Variants in FGL1 observed in about 807,000 individuals in gnomAD.
The protein encoded by FGL1 is fibrinogen like 1.
A neutral mutation model predicts 43.7 loss-of-function variants in FGL1; 59 were observed. The observed-to-expected ratio is 1.35, with a 90% confidence interval of 1.10 to 1.68. The LOEUF is 1.68. Among genes scored for constraint, FGL1 ranks in the 40% most tolerant of loss-of-function variants. The probability of loss-of-function intolerance (pLI) is 0.00; values close to 1 mark genes in which losing one functional copy is unlikely to be tolerated. For synonymous variants in FGL1, 192 were observed against 126.5 expected, an observed-to-expected ratio of 1.52 and a Z score of -3.48; for missense variants, 596 against 373.0, an observed-to-expected ratio of 1.60 and a Z score of -4.92.
intron 3 of FGL1, among the ~76,000 whole-genome samples, chr8:17,877,628 A>G (rs1448084909): frequency 6.6e-6 from 1 of 151,114 alleles, no homozygotes; most frequent in East Asian, 1.9e-4. Flanking sequence ...AAAAAAAAGG[A>G]TAAAGGAAGG....
chr8:17,890,078 A>T (rs17125803), intron 1 of FGL1, among the ~76,000 whole-genome samples: 1 of 152,180 alleles, frequency 6.6e-6, no homozygotes, highest in Admixed American at 6.5e-5. Flanking sequence ...AAATCTCACG[A>T]TGTCTTTAGA....
At chr8:17,864,775 G>T (rs746071663) in intron 7 of FGL1, 24 bp from the exon 8 acceptor site, 1 of 1,427,882 alleles carries the variant, frequency 7.0e-7, no homozygotes, top group Non-Finnish European at 9.2e-7. Context: ...GAAAAAAAAA[G>T]AAAACAACAA....
intron 1 of FGL1, among the ~76,000 whole-genome samples, chr8:17,887,823 A>G (rs1000708972): frequency 8.7e-6 from 1 of 115,566 alleles, no homozygotes; most frequent in African/African-American, 3.4e-5. Flanking sequence ...TGACAGTGCG[A>G]GACTCCATCT....
chr8:17,891,186 T>A lies in FGL1; in HGVS notation c.-18+4261A>T, dbSNP rs1241411146. ...GTGGATAGTTAGGTACTGTACTAGTTTCTTGAGGCCACCATAACAAATTAC... is the reference window on the plus strand; with the variant it reads ...GTGGATAGTTAGGTACTGTACTAGTATCTTGAGGCCACCATAACAAATTAC... On this transcript the variant is annotated intron_variant, in intron 1 of 7. Transcript: ENST00000427924. The A allele has an allele frequency of 2.6e-5, 4 of 152,296 alleles. No individual in the cohort carries two copies. The East Asian group carries it at 7.7e-4, about 29-fold the overall frequency. 9.4% of individuals were successfully genotyped at this position (152,296 alleles called of 1,614,324 possible).
At position 17,868,663 on chromosome 8, in the gene FGL1, C is replaced by A. The variant is rs1457728446; in HGVS notation, c.664G>T (p.Glu222Ter). Residue 222 changes from glutamate (E) to a stop codon, truncating the protein, a stop_gained, in exon 7 of 8, where the codon GAG becomes TAG. Coordinates refer to ENST00000427924, the MANE Select transcript of FGL1 (RefSeq NM_004467.4). LOFTEE classifies it high-confidence loss of function. ...GDSLAGNFHP[E>*]VQWWASHQRM... is the part of the protein sequence containing the mutation. ...TGGTGACTAGCCCACCACTGCACCT[C>A]AGGATGAAAATTCCCCGCAAGGGAA... 1.9e-6 allele frequency: 3 copies of A among 1,614,010 alleles called. No individual in the cohort carries two copies. The highest frequency in any genetic ancestry group is 3.3e-5 in the Admixed American group (2 of 59,980).
Position 17,876,463 on chromosome 8 carries a change from C to T in FGL1, c.245-1942G>A, listed in dbSNP as rs975660309. 2.0e-5 allele frequency among the ~76,000 whole-genome samples: 3 copies of T among 152,102 alleles called. No individual in the cohort carries two copies. The East Asian group carries it at 5.8e-4, about 29-fold the overall frequency. ...ATGTTTACCTTTGTAATGATTTAGG[C>T]TTTATTCATATATTTATTTTCAAGA... On this transcript the variant is annotated intron_variant, in intron 3 of 7. Transcript: ENST00000427924.
At chr8:17,874,834 T>G (rs2053421032) in intron 3 of FGL1, among the ~76,000 whole-genome samples, 1 of 152,118 alleles carries the variant, frequency 6.6e-6, no homozygotes, top group Non-Finnish European at 1.5e-5. Flanking sequence ...GGCGTGTCAC[T>G]ATATTGCCCA....
In FGL1 at chr8:17,870,689, C is replaced by A. The variant is rs149683474; in HGVS notation, c.503-1685G>T. Among the ~76,000 whole-genome samples the A allele has an allele frequency of 3.1e-3, 466 of 152,244 alleles. 1 individual carries two copies. The highest frequency in any genetic ancestry group is 0.016 in the South Asian group (77 of 4,822). On this transcript the variant is annotated intron_variant, in intron 5 of 7. Coordinates refer to ENST00000427924, the MANE Select transcript of FGL1 (RefSeq NM_004467.4). ...ATTCACACCCAAGTTGGGTGGATTA[C>A]AAGGTCAGGAGATCGAGACCATCCT...
chr8:17,877,584 C>T (rs1223760901), intron 3 of FGL1, among the ~76,000 whole-genome samples: 2 of 149,206 alleles, frequency 1.3e-5, no homozygotes, highest in Non-Finnish European at 1.5e-5. Flanking sequence ...GGCCCTGCTA[C>T]CGCCATCTTC....
At chr8:17,892,404 G>A (rs2053718015) in intron 1 of FGL1, among the ~76,000 whole-genome samples, 1 of 151,956 alleles carries the variant, frequency 6.6e-6, no homozygotes. Context: ...ACTAGAACAT[G>A]CAGAGAAAAT....
Position 17,874,399 on chromosome 8 carries a change from T to C in FGL1, c.367A>G (p.Ile123Val). 2 of 1,614,106 alleles carry C rather than the reference T, an allele frequency of 1.2e-6. No homozygotes were observed. The highest frequency in any genetic ancestry group is 1.7e-6 in the Non-Finnish European group (2 of 1,179,986). The change falls in exon 4 of 8, where the codon ATT becomes GTT. Residue 123 changes from isoleucine (I) to valine (V), a missense_variant. By Grantham distance (29) the Ile-to-Val change is conservative. Coordinates refer to ENST00000427924, the MANE Select transcript of FGL1 (RefSeq NM_004467.4). ...DMSDGGGWTVIQRRSDGSENF... is the reference protein window; with the variant it reads ...DMSDGGGWTVVQRRSDGSENF... ...TCACTGCCATCAGATCGTCTCTGAA[T>C]TACAGTCCATCCTCCTCCATCGGAC...
At chr8:17,893,322 A>G (rs1257706314) in intron 1 of FGL1, among the ~76,000 whole-genome samples, 1 of 152,054 alleles carries the variant, frequency 6.6e-6, no homozygotes, top group Non-Finnish European at 1.5e-5. Context: ...AAATGCTCTG[A>G]ATGATGCACC....
chr8:17,875,589 C>A (rs866387226), intron 3 of FGL1, among the ~76,000 whole-genome samples: 86,548 of 132,384 alleles, frequency 0.65, 31,370 homozygotes, highest in Non-Finnish European at 0.78. Context: ...TTCTTTCTTT[C>A]TTTCTTTCTT....
At chr8:17,867,832 G>T (rs550030605) in intron 7 of FGL1, among the ~76,000 whole-genome samples, 1 of 152,198 alleles carries the variant, frequency 6.6e-6, no homozygotes, top group Non-Finnish European at 1.5e-5. Flanking sequence ...CACTTTGGGA[G>T]GCCGGGGTAG....
At chr8:17,894,603 C>T (rs2053749709) in intron 1 of FGL1, among the ~76,000 whole-genome samples, 1 of 146,682 alleles carries the variant, frequency 6.8e-6, no homozygotes, top group Non-Finnish European at 1.5e-5. Context: ...TATACTGAAA[C>T]TGTAAACCTA....
intron 1 of FGL1, among the ~76,000 whole-genome samples, chr8:17,888,193 A>G (rs918062630): frequency 2.6e-5 from 4 of 152,172 alleles, no homozygotes; most frequent in Admixed American, 1.3e-4. Context: ...TACCAATGTG[A>G]AAAAGAGACA....
chr8:17,881,161 G>A (rs1215784607), intron 3 of FGL1, among the ~76,000 whole-genome samples: 2 of 135,158 alleles, frequency 1.5e-5, no homozygotes, highest in Non-Finnish European at 3.0e-5. Flanking sequence ...TTTTGAGACA[G>A]AGTCTTATTG....
chr8:17,871,431 T>C (rs2053358289), intron 5 of FGL1, among the ~76,000 whole-genome samples: 1 of 151,568 alleles, frequency 6.6e-6, no homozygotes. Context: ...AGTCAGCGGT[T>C]TTAGTGAGCC....
intron 3 of FGL1, among the ~76,000 whole-genome samples, chr8:17,880,650 A>C (rs1295084005): frequency 6.6e-6 from 1 of 152,208 alleles, no homozygotes; most frequent in African/African-American, 2.4e-5. Context: ...CAGAGTGCCC[A>C]GTTAATTGAC....
Sources: allele counts gnomAD v4.1 joint callset (sites outside exome capture counted in the v4.1 genomes callset), GRCh38; gene constraint gnomAD v4.1.1; transcripts MANE v1.5; gene names NCBI Gene and HGNC (gene_info 2026-07-23, HGNC 2026-07-21).